The following CPAP variants were observed in gnomAD, a reference collection of about 807,000 sequenced individuals.
The protein encoded by CPAP is centrosome assembly and centriole elongation protein, also known as centrosomal P4.1-associated protein.
chr13:24,903,669 G>A, the CPAP span, among the ~76,000 whole-genome samples: 2 of 152,202 alleles, frequency 1.3e-5, no homozygotes, highest in Admixed American at 1.3e-4. Context: ...AGTACCACTT[G>A]AAGGTACCAT....
the CPAP span, chr13:24,883,340 TTATTAAACTC>T: frequency 6.2e-7 from 1 of 1,613,328 alleles, no homozygotes; most frequent in African/African-American, 1.3e-5. Context: ...TCTTTGGCCA[TTATTAAACTC>T]TATGAGTTTG....
the CPAP span, among the ~76,000 whole-genome samples, chr13:24,888,376 A>G: frequency 3.3e-5 from 5 of 152,192 alleles, no homozygotes; most frequent in South Asian, 4.1e-4. Flanking sequence ...ACACACACAC[A>G]TCCAAAATTT....
At chr13:24,914,891 G>A in the CPAP span, among the ~76,000 whole-genome samples, 38 of 152,166 alleles carry the variant, frequency 2.5e-4, no homozygotes, top group Non-Finnish European at 4.4e-4. Flanking sequence ...TGGCCAAGAT[G>A]GTGAAACCCC....
At chr13:24,897,104 T>C in the CPAP span, among the ~76,000 whole-genome samples, 6 of 152,186 alleles carry the variant, frequency 3.9e-5, no homozygotes, top group Non-Finnish European at 8.8e-5. Context: ...TAGCCAGCCA[T>C]GGTGGTGGGC....
chr13:24,895,204 G>A, the CPAP span, among the ~76,000 whole-genome samples: 1 of 152,374 alleles, frequency 6.6e-6, no homozygotes, highest in South Asian at 2.1e-4. Flanking sequence ...AACCTCCACA[G>A]GCTCTACGCT....
the CPAP span, chr13:24,906,219 T>TC: frequency 1.2e-6 from 2 of 1,611,414 alleles, no homozygotes; most frequent in Non-Finnish European, 1.7e-6. Flanking sequence ...CCTTTGCAGA[T>TC]CTGTTGATCC....
At chr13:24,912,311 T>C in the CPAP span, among the ~76,000 whole-genome samples, 12 of 152,332 alleles carry the variant, frequency 7.9e-5, no homozygotes, top group African/African-American at 2.9e-4. Flanking sequence ...ATTGTTAAAA[T>C]AGGATGGGCA....
the CPAP span, among the ~76,000 whole-genome samples, chr13:24,890,574 T>C: frequency 2.6e-5 from 4 of 152,222 alleles, no homozygotes; most frequent in Non-Finnish European, 5.9e-5. Context: ...TGGCATTCAC[T>C]TGGATGACCA....
At chr13:24,911,665 T>C in the CPAP span, among the ~76,000 whole-genome samples, 2 of 151,264 alleles carry the variant, frequency 1.3e-5, no homozygotes, top group Non-Finnish European at 2.9e-5. Flanking sequence ...GTCTCCAGAG[T>C]AGCTAGGACT....
chr13:24,907,555 GAA>G, the CPAP span, among the ~76,000 whole-genome samples: 3 of 151,216 alleles, frequency 2.0e-5, no homozygotes, highest in African/African-American at 7.3e-5. Flanking sequence ...ACAATAATCA[GAA>G]AAGTCATTTT....
the CPAP span, among the ~76,000 whole-genome samples, chr13:24,889,570 TGC>T: frequency 7.0e-6 from 1 of 142,544 alleles, no homozygotes; most frequent in Admixed American, 6.9e-5. Context: ...TAGGAATCAC[TGC>T]GCGTGTGCAC....
At chr13:24,910,804 T>C in the CPAP span, among the ~76,000 whole-genome samples, 2 of 152,348 alleles carry the variant, frequency 1.3e-5, no homozygotes, top group African/African-American at 4.8e-5. Context: ...ATGTATTCCA[T>C]AAAGAAACCC....
chr13:24,905,412 T>C, the CPAP span: 4 of 1,614,150 alleles, frequency 2.5e-6, no homozygotes, highest in Non-Finnish European at 2.5e-6. Flanking sequence ...GACTTTGGTT[T>C]TGGTTTCAAA....
chr13:24,912,123 C>A, the CPAP span: 1 of 1,528,026 alleles, frequency 6.5e-7, no homozygotes, highest in Non-Finnish European at 9.1e-7. Flanking sequence ...TCTTCATGGA[C>A]ACCTCGTTCC....
the CPAP span, among the ~76,000 whole-genome samples, chr13:24,913,696 C>T: frequency 6.6e-6 from 1 of 152,216 alleles, no homozygotes; most frequent in Admixed American, 6.5e-5. Flanking sequence ...ATGTTCATTA[C>T]TAATCCGTGA....
chr13:24,929,901 A>ATTTTTTTT, the CPAP span, among the ~76,000 whole-genome samples: 1 of 100,930 alleles, frequency 9.9e-6, no homozygotes, highest in Non-Finnish European at 1.9e-5. Context: ...TCACTTGTGA[A>ATTTTTTTT]TTTTTTTTTT....
the CPAP span, chr13:24,905,407 T>C: frequency 1.2e-6 from 2 of 1,614,184 alleles, no homozygotes; most frequent in East Asian, 2.2e-5. Context: ...AATCTGACTT[T>C]GGTTTTGGTT....
chr13:24,904,303 T>C, the CPAP span, among the ~76,000 whole-genome samples: 3 of 152,164 alleles, frequency 2.0e-5, no homozygotes, highest in Non-Finnish European at 2.9e-5. Context: ...GGAATCAACA[T>C]GATACATAAA....
the CPAP span, among the ~76,000 whole-genome samples, chr13:24,908,987 GAAGTA>G: frequency 0.019 from 2,931 of 152,210 alleles, 79 homozygotes; most frequent in African/African-American, 0.065. Flanking sequence ...TACACATATA[GAAGTA>G]AAGATAAGGA....
Sources: allele counts gnomAD v4.1 joint callset (sites outside exome capture counted in the v4.1 genomes callset), GRCh38; gene constraint gnomAD v4.1.1; transcripts MANE v1.5; gene names NCBI Gene and HGNC (gene_info 2026-07-23, HGNC 2026-07-21).